The following ZNF74 variants were observed in gnomAD, a reference collection of about 807,000 sequenced individuals.
ZNF74 encodes zinc finger protein 520.
Under a neutral mutation model 17.7 loss-of-function variants are expected in ZNF74, and 12 were observed. That is an observed-to-expected ratio of 0.68 (90% CI 0.43 to 1.10). The LOEUF is 1.10. ZNF74 is among the 50% of genes least tolerant of loss of function. The probability of loss-of-function intolerance (pLI) is 0.00; values close to 1 mark genes in which losing one functional copy is unlikely to be tolerated. For synonymous variants in ZNF74, 358 were observed against 362.1 expected (o/e 0.99, Z 0.13); for missense variants, 811 against 881.0 (o/e 0.92, Z 1.01).
intron 2 of ZNF74, chr22:20,399,631 C>A: frequency 5.4e-6 from 2 of 368,842 alleles, no homozygotes; most frequent in South Asian, 1.9e-5. Flanking sequence ...AGTGCAGTGG[C>A]GCAATCTTGG....
Position 20,394,577 on chromosome 22 carries a change from C to T in ZNF74, c.-52C>T. 2 of 1,603,776 alleles carry T rather than the reference C, an allele frequency of 1.2e-6. No individual in the cohort carries two copies. Among genetic ancestry groups the T allele is most frequent in the Non-Finnish European group, 1.7e-6 (2 of 1,170,772 alleles). On this transcript the variant is annotated 5_prime_UTR_variant, in exon 1 of 5. Transcript: ENST00000400451. ...TCGCTCTTCAGGGCCTGCCCTGGAT[C>T]CTGGAGGCTACACAGCTGCCCACTC...
rs182569132 is a variant in ZNF74, at chr22:20,396,656, A to G, written c.120+1238A>G. Among the ~76,000 whole-genome samples, 5 of 152,148 alleles carry G rather than the reference A, an allele frequency of 3.3e-5. No individual in the cohort carries two copies. In the East Asian group the frequency reaches 9.7e-4, roughly 29 times the overall value. On this transcript the variant is annotated intron_variant, in intron 2 of 4. Coordinates refer to ENST00000400451, the MANE Select transcript of ZNF74 (RefSeq NM_003426.4). ...GGGCCCTCATGCATGTGTTATTCCTATTCCTAAAATATTAGCTTGTTAGAT... is the reference window on the plus strand; with the variant it reads ...GGGCCCTCATGCATGTGTTATTCCTGTTCCTAAAATATTAGCTTGTTAGAT...
rs937760327 is a variant in ZNF74 at position 20,394,554 on chromosome 22, G to A, written c.-75G>A. The stretch of plus-strand genomic sequence containing the variant: ...CCCCTCAGCCCCAGGAGCAGTACTC[G>A]CTCTTCAGGGCCTGCCCTGGATCCT... On this transcript the variant is annotated 5_prime_UTR_variant, in exon 1 of 5. Transcript: ENST00000400451. 12 of 1,534,382 alleles carry A rather than the reference G, an allele frequency of 7.8e-6. No homozygotes were observed. The South Asian group carries it at 1.0e-4, about 13-fold the overall frequency.
At chr22:20,399,268 G>A (rs987338790) in intron 2 of ZNF74, among the ~76,000 whole-genome samples, 4 of 152,034 alleles carry the variant, frequency 2.6e-5, no homozygotes, top group East Asian at 1.9e-4. Context: ...TTTATATTTA[G>A]GATTGCTATG....
chr22:20,394,360 G>A lies in ZNF74; in HGVS notation c.-269G>A. The A allele has an allele frequency of 1.5e-6, 1 of 686,506 alleles. No individual in the cohort carries two copies. The highest frequency in any genetic ancestry group is 2.7e-6 in the Non-Finnish European group (1 of 372,912). The allele number at this position is 686,506 out of a possible 1,614,324, so 42.5% of individuals were successfully genotyped here. ...GTTCGCCGGGAGGAGCGTGTGGCGGGGGTGTGCCGGGGCGTGAGTGCGCCG... is the reference window on the plus strand; with the variant it reads ...GTTCGCCGGGAGGAGCGTGTGGCGGAGGTGTGCCGGGGCGTGAGTGCGCCG... On this transcript the variant is annotated 5_prime_UTR_variant, in exon 1 of 5. Transcript: ENST00000400451.
intron 4 of ZNF74, among the ~76,000 whole-genome samples, chr22:20,402,801 C>CAAAAA (rs361884): frequency 9.3e-6 from 1 of 107,526 alleles, no homozygotes; most frequent in Non-Finnish European, 1.9e-5. Flanking sequence ...AATTCCATCT[C>CAAAAA]AAAAAAAAAA....
At position 20,401,581 on chromosome 22, in the gene ZNF74, C is replaced by A. The variant is rs1279348593; in HGVS notation, c.343+209C>A. 6.6e-6 allele frequency among the ~76,000 whole-genome samples: 1 copy of A among 152,214 alleles called. No individual in the cohort carries two copies. Among genetic ancestry groups the A allele is most frequent in the East Asian group, 1.9e-4 (1 of 5,198 alleles). On this transcript the variant is annotated intron_variant, in intron 4 of 4. Coordinates refer to ENST00000400451, the MANE Select transcript of ZNF74 (RefSeq NM_003426.4). The surrounding 1 kb of genome is among the most constrained non-coding windows in gnomAD (Gnocchi z 4.2). ...TTCTGGGATACAACAGGGAACAAAC[C>A]TGGCCACTGGGACCAAATGGTCACC...
intron 4 of ZNF74, among the ~76,000 whole-genome samples, chr22:20,404,833 G>T (rs893959566): frequency 1.3e-5 from 2 of 152,146 alleles, no homozygotes; most frequent in East Asian, 1.9e-4. Flanking sequence ...CTAGCTACTC[G>T]GGAGGCTGAG....
At chr22:20,397,842 G>A (rs1380301861) in intron 2 of ZNF74, among the ~76,000 whole-genome samples, 1 of 152,202 alleles carries the variant, frequency 6.6e-6, no homozygotes, top group Non-Finnish European at 1.5e-5. Flanking sequence ...CAAGGTGTCA[G>A]CAGGGTTGAT....
At chr22:20,394,796 C>T in intron 1 of ZNF74, 134 bp downstream of exon 1, 1 of 857,470 alleles carries the variant, frequency 1.2e-6, no homozygotes. Flanking sequence ...CTCACTCTGT[C>T]ACCCAGGCGG....
rs779555887 is a variant in ZNF74, at chr22:20,401,525, G to A, written c.343+153G>A. Among the ~76,000 whole-genome samples, 12 of 152,264 alleles carry A rather than the reference G, an allele frequency of 7.9e-5. No homozygotes were observed. Among genetic ancestry groups the A allele is most frequent in the Admixed American group, 4.6e-4 (7 of 15,298 alleles). Reference sequence around the variant, plus strand: ...CCTCCTGCCTGCCTCCCTTCAGCACGTACTGAGCACTGCCTGTGTGCTGAG... The same window carrying A: ...CCTCCTGCCTGCCTCCCTTCAGCACATACTGAGCACTGCCTGTGTGCTGAG... On this transcript the variant is annotated intron_variant, in intron 4 of 4. Coordinates refer to ENST00000400451, the MANE Select transcript of ZNF74 (RefSeq NM_003426.4). This position sits in a 1 kb window ranked among gnomAD's most constrained non-coding sequence, Gnocchi z 4.2.
intron 2 of ZNF74, chr22:20,400,384 T>G: frequency 2.0e-6 from 1 of 491,980 alleles, no homozygotes; most frequent in Non-Finnish European, 3.7e-6. Context: ...CAGGGCCCTG[T>G]GGTGTCTATT....
Position 20,406,569 on chromosome 22 carries a change from C to T in ZNF74, c.1536C>T (p.His512=), listed in dbSNP as rs1275447263. The change falls in exon 5 of 5, where the codon CAC becomes CAT. Residue 512 remains histidine, a synonymous_variant. Transcript: ENST00000400451. ...CSQCWKAFSC[H]SSLIVHQRIH... is the part of the protein sequence containing the mutation. ...AGTGTTGGAAGGCCTTCAGCTGCCA[C>T]TCGTCCCTCATCGTGCACCAGCGCA... The T allele has an allele frequency of 1.9e-6, 3 of 1,614,068 alleles. No homozygotes were observed. The South Asian group carries it at 3.3e-5, about 18-fold the overall frequency.
intron 2 of ZNF74, among the ~76,000 whole-genome samples, chr22:20,397,071 C>CTTTCTT (rs361657): frequency 0.64 from 93,863 of 146,532 alleles, 31,052 homozygotes; most frequent in East Asian, 0.93. Flanking sequence ...TTTTGTTTTT[C>CTTTCTT]TTTCTTTTTC....
Position 20,401,173 on chromosome 22 carries a change from G to T in ZNF74, c.248-104G>T. 1 of 722,366 alleles carries T rather than the reference G, an allele frequency of 1.4e-6. No homozygotes were observed. The highest frequency in any genetic ancestry group is 2.4e-6 in the Non-Finnish European group (1 of 420,530). 44.7% of individuals were successfully genotyped at this position (722,366 alleles called of 1,614,324 possible). A position where few individuals can be genotyped will look rare whatever the true frequency, so the allele number is the denominator to read the frequency against. On this transcript the variant is annotated intron_variant, in intron 3 of 4. Coordinates refer to ENST00000400451, the MANE Select transcript of ZNF74 (RefSeq NM_003426.4). This position sits in a 1 kb window ranked among gnomAD's most constrained non-coding sequence, Gnocchi z 4.2. Reference sequence around the variant, plus strand: ...CCAGAGGACCTCCTGTTCCCAGAGAGGGTGTCCACTTCACAGGCATTGTCC... The same window carrying T: ...CCAGAGGACCTCCTGTTCCCAGAGATGGTGTCCACTTCACAGGCATTGTCC...
chr22:20,407,031 C>A lies in ZNF74; in HGVS notation c.*63C>A. Reference sequence around the variant, plus strand: ...TACTCAACAAGGAAAGCACCCTGGTCCTCCCTGGCTCCTAGATCCAGACCA... The same window carrying A: ...TACTCAACAAGGAAAGCACCCTGGTACTCCCTGGCTCCTAGATCCAGACCA... On this transcript the variant is annotated 3_prime_UTR_variant, in exon 5 of 5. Coordinates refer to ENST00000400451, the MANE Select transcript of ZNF74 (RefSeq NM_003426.4). The A allele has an allele frequency of 1.3e-6, 2 of 1,516,374 alleles. No homozygotes were observed. Among genetic ancestry groups the A allele is most frequent in the East Asian group, 2.4e-5 (1 of 41,930 alleles). 93.9% of individuals were successfully genotyped at this position (1,516,374 alleles called of 1,614,324 possible). A position where few individuals can be genotyped will look rare whatever the true frequency, so the allele number is the denominator to read the frequency against.
At chr22:20,403,063 G>A (rs968801133) in intron 4 of ZNF74, among the ~76,000 whole-genome samples, 6 of 152,142 alleles carry the variant, frequency 3.9e-5, no homozygotes, top group South Asian at 2.1e-4. Context: ...CATAGTGAGC[G>A]TCCTCACGTG....
intron 4 of ZNF74, among the ~76,000 whole-genome samples, chr22:20,404,015 C>A (rs563028663): frequency 7.2e-5 from 11 of 152,296 alleles, no homozygotes; most frequent in African/African-American, 2.4e-4. Flanking sequence ...TGTGCCATGG[C>A]CAGTTCCACT....
chr22:20,404,802 T>C lies in ZNF74; in HGVS notation c.344-575T>C, dbSNP rs539593309. Among the ~76,000 whole-genome samples the C allele has an allele frequency of 7.9e-5, 12 of 152,276 alleles. No individual in the cohort carries two copies. The South Asian group carries it at 2.5e-3, about 32-fold the overall frequency. Reference sequence around the variant, plus strand: ...TTTTTCCTTTTGGCACCACAGACAATTTTTAATTCATTTGTTAGTCCTAGC... The same window carrying C: ...TTTTTCCTTTTGGCACCACAGACAACTTTTAATTCATTTGTTAGTCCTAGC... On this transcript the variant is annotated intron_variant, in intron 4 of 4. Coordinates refer to ENST00000400451, the MANE Select transcript of ZNF74 (RefSeq NM_003426.4).
Sources: allele counts gnomAD v4.1 joint callset (sites outside exome capture counted in the v4.1 genomes callset), GRCh38; gene constraint gnomAD v4.1.1; non-coding constraint Gnocchi (gnomAD v3.1); transcripts MANE v1.5; gene names NCBI Gene and HGNC (gene_info 2026-07-23, HGNC 2026-07-21).